Variants in CDH12 observed in about 807,000 individuals in gnomAD.
CDH12 encodes cadherin-12.
Under a neutral mutation model 74.1 loss-of-function variants are expected in CDH12, and 41 were observed. That is an observed-to-expected ratio of 0.55 (90% CI 0.43 to 0.72). The LOEUF (loss-of-function observed/expected upper bound fraction) is 0.72. CDH12 is among the 30% of genes least tolerant of loss of function. CDH12 has a pLI of 0.00. For synonymous variants in CDH12, 399 were observed against 355.0 expected, an observed-to-expected ratio of 1.12 and a Z score of -1.39; for missense variants, 945 against 977.2, an observed-to-expected ratio of 0.97 and a Z score of 0.44.
chr5:22,266,796 A>G (rs1481909806), intron 3 of CDH12, among the ~76,000 whole-genome samples: 1 of 152,152 alleles, frequency 6.6e-6, no homozygotes, highest in East Asian at 1.9e-4. Flanking sequence ...TACATGCTAA[A>G]TTGTTTCAAT....
intron 5 of CDH12, among the ~76,000 whole-genome samples, chr5:22,054,912 A>T (rs907948617): frequency 6.6e-6 from 1 of 152,220 alleles, no homozygotes; most frequent in African/African-American, 2.4e-5. Flanking sequence ...AGCTGCATGC[A>T]GGTGTGTGAT....
intron 1 of CDH12, among the ~76,000 whole-genome samples, chr5:22,687,641 C>G (rs1410662527): frequency 6.6e-6 from 1 of 152,128 alleles, no homozygotes; most frequent in African/African-American, 2.4e-5. Context: ...TCTTGAGCTC[C>G]TGAGCTCAAG....
chr5:22,098,810 AT>A lies in CDH12; in HGVS notation c.-186-19949del, dbSNP rs1275234780. ...TTCTTTCCTGTTCCTCACCCTGATT[AT>A]GGCTTGATTTATTGATAGCAGTTCC... On this transcript the variant is annotated intron_variant, in intron 4 of 14. Transcript: ENST00000382254. 1.1e-4 allele frequency among the ~76,000 whole-genome samples: 16 copies of A among 152,092 alleles called. No individual in the cohort carries two copies. In the South Asian group the frequency reaches 2.9e-3, roughly 28 times the overall value.
chr5:22,646,060 A>T (rs1739418043), intron 1 of CDH12, among the ~76,000 whole-genome samples: 1 of 151,872 alleles, frequency 6.6e-6, no homozygotes, highest in South Asian at 2.1e-4. Flanking sequence ...GAATCCAATA[A>T]ATAAACAAAC....
chr5:22,709,139 C>T (rs558146888), intron 1 of CDH12, among the ~76,000 whole-genome samples: 6 of 152,094 alleles, frequency 3.9e-5, no homozygotes, highest in Admixed American at 1.3e-4. Flanking sequence ...TGTAGGGTGA[C>T]GGGAAGAGAG....
At chr5:21,794,458 T>C (rs999213979) in intron 10 of CDH12, among the ~76,000 whole-genome samples, 8 of 151,746 alleles carry the variant, frequency 5.3e-5, no homozygotes, top group Non-Finnish European at 1.0e-4. Flanking sequence ...GTGAAAAAGA[T>C]GAGTAGGGCA....
intron 8 of CDH12, among the ~76,000 whole-genome samples, chr5:21,838,528 C>A (rs1477727916): frequency 2.0e-5 from 3 of 152,120 alleles, no homozygotes; most frequent in Non-Finnish European, 2.9e-5. Context: ...CCATTGCACT[C>A]CAGCCTGGGC....
At chr5:22,385,262 G>T (rs897067185) in intron 3 of CDH12, among the ~76,000 whole-genome samples, 9 of 152,094 alleles carry the variant, frequency 5.9e-5, no homozygotes, top group African/African-American at 1.9e-4. Context: ...ATACAGATTG[G>T]TTAAAGCTTA....
chr5:22,284,508 C>T (rs1385826653), intron 3 of CDH12, among the ~76,000 whole-genome samples: 1 of 152,106 alleles, frequency 6.6e-6, no homozygotes, highest in African/African-American at 2.4e-5. Context: ...CTGCTGTTAG[C>T]TGAAGGACAC....
chr5:22,525,818 C>G (rs1212811804), intron 1 of CDH12, among the ~76,000 whole-genome samples: 4 of 152,064 alleles, frequency 2.6e-5, no homozygotes, highest in African/African-American at 9.7e-5. Context: ...AAAAATTTAC[C>G]CAAGGGTTAT....
intron 2 of CDH12, among the ~76,000 whole-genome samples, chr5:22,436,874 C>A (rs1744418218): frequency 6.6e-6 from 1 of 152,030 alleles, no homozygotes; most frequent in Non-Finnish European, 1.5e-5. Flanking sequence ...CAACAAAGAA[C>A]AAAGAACGTT....
At chr5:22,416,397 T>C (rs1266261573) in intron 2 of CDH12, among the ~76,000 whole-genome samples, 3 of 152,236 alleles carry the variant, frequency 2.0e-5, no homozygotes, top group Admixed American at 2.0e-4. Context: ...TAAGGTGATT[T>C]TTCTGGAATA....
At chr5:22,299,704 C>A (rs1737785195) in intron 3 of CDH12, among the ~76,000 whole-genome samples, 1 of 152,182 alleles carries the variant, frequency 6.6e-6, no homozygotes, top group East Asian at 1.9e-4. Flanking sequence ...ACTCCTTATG[C>A]CTTATTCCAG....
At chr5:22,069,263 G>A (rs1231195458) in intron 5 of CDH12, among the ~76,000 whole-genome samples, 1 of 152,134 alleles carries the variant, frequency 6.6e-6, no homozygotes, top group Non-Finnish European at 1.5e-5. Context: ...CCAGTCCAAA[G>A]CAGCTAGCTT....
intron 4 of CDH12, among the ~76,000 whole-genome samples, chr5:22,085,479 G>A (rs547047132): frequency 1.3e-5 from 2 of 152,188 alleles, no homozygotes; most frequent in East Asian, 3.9e-4. Context: ...AATACTAACT[G>A]CATATTGGAG....
chr5:22,458,038 C>T (rs944187095), intron 2 of CDH12, among the ~76,000 whole-genome samples: 12 of 152,038 alleles, frequency 7.9e-5, no homozygotes, highest in African/African-American at 2.4e-4. Flanking sequence ...CCACCGTGCC[C>T]GGCCCTAATT....
intron 1 of CDH12, among the ~76,000 whole-genome samples, chr5:22,662,623 C>T (rs531900985): frequency 2.6e-5 from 4 of 152,296 alleles, no homozygotes; most frequent in Non-Finnish European, 5.9e-5. Flanking sequence ...ATGGCAACGG[C>T]ATAAAGCCAG....
At chr5:21,946,804 G>A (rs114300167) in intron 6 of CDH12, among the ~76,000 whole-genome samples, 3,333 of 152,202 alleles carry the variant, frequency 0.022, 134 homozygotes, top group African/African-American at 0.077. Context: ...CTACTGCATT[G>A]CCAGTTATAA....
chr5:22,241,124 C>T (rs1752734646), intron 3 of CDH12, among the ~76,000 whole-genome samples: 1 of 152,104 alleles, frequency 6.6e-6, no homozygotes, highest in South Asian at 2.1e-4. Context: ...AAATCTATTT[C>T]TTATTATAGG....
Sources: allele counts gnomAD v4.1 joint callset (sites outside exome capture counted in the v4.1 genomes callset), GRCh38; gene constraint gnomAD v4.1.1; transcripts MANE v1.5; gene names NCBI Gene and HGNC (gene_info 2026-07-23, HGNC 2026-07-21).